Variants in PLEKHG1 observed in about 807,000 individuals in gnomAD.
The protein encoded by PLEKHG1 is pleckstrin homology and RhoGEF domain containing G1, also known as pleckstrin homology domain-containing family G member 1.
A neutral mutation model predicts 100.8 loss-of-function variants in PLEKHG1; 44 were observed. That is an observed-to-expected ratio of 0.44 (90% CI 0.34 to 0.56). The LOEUF (loss-of-function observed/expected upper bound fraction) is 0.56. PLEKHG1 is among the 20% of genes least tolerant of loss of function. PLEKHG1 has a pLI of 0.01. For synonymous variants in PLEKHG1, 640 were observed against 662.5 expected (o/e 0.97, Z 0.52); for missense variants, 1,545 against 1,720.9 (o/e 0.90, Z 1.81).
At chr6:150,670,163 CAT>C (rs897106154) in intron 3 of PLEKHG1, among the ~76,000 whole-genome samples, 22 of 152,256 alleles carry the variant, frequency 1.4e-4, no homozygotes, top group African/African-American at 4.3e-4. Context: ...AGTATTTTCA[CAT>C]ATGTTTATGT....
At chr6:150,677,283 T>TACACGCACACACACACAC (rs756621195) in intron 3 of PLEKHG1, among the ~76,000 whole-genome samples, 3 of 134,138 alleles carry the variant, frequency 2.2e-5, no homozygotes, top group African/African-American at 7.6e-5. Flanking sequence ...TTTCTTCCCC[T>TACACGCACACACACACAC]ATACACACAC....
rs1201682805 is a variant in PLEKHG1, at chr6:150,628,541, C to CACACACACAG, written c.-203-9530_-203-9529insGACACACACA. Among the ~76,000 whole-genome samples the CACACACACAG allele has an allele frequency of 3.4e-4, 49 of 143,352 alleles. 1 individual carries two copies. The highest frequency in any genetic ancestry group is 2.3e-4 in the South Asian group (1 of 4,336). 94.0% of individuals were successfully genotyped at this position (143,352 alleles called of 152,430 possible). On this transcript the variant is annotated intron_variant, in intron 1 of 3. Transcript: ENST00000367326. ...GTAGATAGGAAAACACACACACACA[C>CACACACACAG]ACACACACACACACACACACACACA...
chr6:150,669,516 C>T (rs754234563), intron 3 of PLEKHG1, among the ~76,000 whole-genome samples: 1 of 151,970 alleles, frequency 6.6e-6, no homozygotes. Context: ...ACTTTTAATA[C>T]CTTACTCGAT....
At chr6:150,674,644 T>TCC (rs796835344) in intron 3 of PLEKHG1, among the ~76,000 whole-genome samples, 1 of 124,646 alleles carries the variant, frequency 8.0e-6, no homozygotes, top group Non-Finnish European at 1.8e-5. Flanking sequence ...TCTCTCTCTC[T>TCC]CTCTCTCTCT....
chr6:150,721,780 C>T (rs1007489251), intron 1 of PLEKHG1, among the ~76,000 whole-genome samples: 8 of 152,024 alleles, frequency 5.3e-5, no homozygotes, highest in Admixed American at 1.3e-4. Flanking sequence ...GCAAAGGAGG[C>T]GTGGATTGTA....
At chr6:150,766,971 C>G (rs1784483532) in intron 2 of PLEKHG1, among the ~76,000 whole-genome samples, 1 of 152,056 alleles carries the variant, frequency 6.6e-6, no homozygotes, top group Non-Finnish European at 1.5e-5. Context: ...CCATCCACAT[C>G]CTTCTGTTTT....
chr6:150,799,318 T>C (rs1010091603), intron 5 of PLEKHG1, among the ~76,000 whole-genome samples: 7 of 152,188 alleles, frequency 4.6e-5, no homozygotes, highest in African/African-American at 1.4e-4. Context: ...GGATCCTGTC[T>C]GGTGATATTA....
chr6:150,817,326 A>G (rs1049946511), intron 10 of PLEKHG1, among the ~76,000 whole-genome samples: 3 of 152,154 alleles, frequency 2.0e-5, no homozygotes, highest in Non-Finnish European at 4.4e-5. Context: ...CACAGAAGAG[A>G]TGGGAGGTGC....
At chr6:150,666,879 G>C (rs1372328701) in intron 3 of PLEKHG1, among the ~76,000 whole-genome samples, 1 of 151,562 alleles carries the variant, frequency 6.6e-6, no homozygotes, top group Non-Finnish European at 1.5e-5. Context: ...TCCTGCCTCA[G>C]CCTCCCAAGT....
intron 2 of PLEKHG1, among the ~76,000 whole-genome samples, chr6:150,737,730 A>G (rs1782646083): frequency 6.6e-6 from 1 of 152,198 alleles, no homozygotes; most frequent in African/African-American, 2.4e-5. Context: ...AAATTAAGAA[A>G]AGTGCTGCTC....
chr6:150,839,576 C>T (rs1393362908), intron 15 of PLEKHG1, among the ~76,000 whole-genome samples: 1 of 152,044 alleles, frequency 6.6e-6, no homozygotes, highest in African/African-American at 2.4e-5. Flanking sequence ...ACTTGCAGAC[C>T]TGCTGTTGAA....
intron 1 of PLEKHG1, among the ~76,000 whole-genome samples, chr6:150,724,555 TTTC>T (rs1464037224): frequency 1.1e-5 from 1 of 94,000 alleles, no homozygotes; most frequent in Non-Finnish European, 1.8e-5. Context: ...CTTTTTTCTT[TTTC>T]TTTTTTTTTT....
At chr6:150,772,374 CT>C (rs1296080577) in intron 3 of PLEKHG1, among the ~76,000 whole-genome samples, 4 of 152,208 alleles carry the variant, frequency 2.6e-5, no homozygotes, top group Non-Finnish European at 5.9e-5. Context: ...GTGTAACATG[CT>C]GTGGGAGGCC....
chr6:150,784,144 C>T lies in PLEKHG1; in HGVS notation c.513-2246C>T, dbSNP rs541239556. On this transcript the variant is annotated intron_variant, in intron 3 of 15. Transcript: ENST00000358517. ...GTCTTGTCTCAGGAACCCCAGAGGT[C>T]GTTAGACCACACTTGGAGAACTGCT... 3.9e-5 allele frequency among the ~76,000 whole-genome samples: 6 copies of T among 152,270 alleles called. No individual in the cohort carries two copies. In the East Asian group the frequency reaches 7.7e-4, roughly 20 times the overall value.
At chr6:150,719,446 C>A (rs948977298), upstream of PLEKHG1, among the ~76,000 whole-genome samples, 2 of 152,148 alleles carry the variant, frequency 1.3e-5, no homozygotes, top group Non-Finnish European at 2.9e-5. Context: ...TTGTGTCTGC[C>A]TCGAGAATAT....
intron 3 of PLEKHG1, among the ~76,000 whole-genome samples, chr6:150,712,462 A>C (rs1027342951): frequency 6.6e-6 from 1 of 152,234 alleles, no homozygotes; most frequent in Non-Finnish European, 1.5e-5. Context: ...GAAAATGTAG[A>C]GATCAAACCA....
At chr6:150,796,283 T>C (rs1227618381) in intron 5 of PLEKHG1, among the ~76,000 whole-genome samples, 1 of 152,172 alleles carries the variant, frequency 6.6e-6, no homozygotes, top group African/African-American at 2.4e-5. Context: ...ATAATCTAGA[T>C]GGGGAGAGAA....
At chr6:150,839,733 AT>A (rs1172095746) in intron 15 of PLEKHG1, 99 bp from the exon 17 acceptor site, 3 of 794,478 alleles carry the variant, frequency 3.8e-6, no homozygotes, top group Admixed American at 4.9e-5. Context: ...TACTGTCAAA[AT>A]TTTAAAATAC....
chr6:150,702,937 C>G (rs4869937), intron 3 of PLEKHG1, among the ~76,000 whole-genome samples: 83,809 of 151,990 alleles, frequency 0.55, 23,508 homozygotes, highest in African/African-American at 0.67. Flanking sequence ...CTAGCAGCCT[C>G]GCACTTCTGC....
Sources: gnomAD v4.1 joint callset for allele counts (sites outside exome capture counted in the v4.1 genomes callset) on GRCh38, gnomAD v4.1.1 for gene constraint, MANE v1.5 for transcripts, NCBI Gene and HGNC (gene_info 2026-07-23, HGNC 2026-07-21) for gene names.